KCND2: variants seen among roughly 807,000 people sequenced by gnomAD.
The protein encoded by KCND2 is A-type voltage-gated potassium channel KCND2.
A neutral mutation model predicts 54.4 loss-of-function variants in KCND2; 16 were observed. That is an observed-to-expected ratio of 0.29 (90% CI 0.20 to 0.45). The LOEUF is 0.45. Among genes scored for constraint, KCND2 ranks in the 20% least tolerant of loss-of-function variants. The pLI is 1.00. For missense variants in KCND2, 486 were observed against 824.2 expected, an observed-to-expected ratio of 0.59 and a Z score of 5.02; for synonymous variants, 317 against 310.7, an observed-to-expected ratio of 1.02 and a Z score of -0.21.
chr7:120,658,229 G>A (rs1409618864), intron 1 of KCND2, among the ~76,000 whole-genome samples: 2 of 152,072 alleles, frequency 1.3e-5, no homozygotes, highest in Non-Finnish European at 2.9e-5. Context: ...AGCTCCAAGC[G>A]AGTGAGAAAT....
intron 1 of KCND2, among the ~76,000 whole-genome samples, chr7:120,338,534 C>A (rs528207568): frequency 6.6e-6 from 1 of 151,990 alleles, no homozygotes; most frequent in African/African-American, 2.4e-5. Context: ...GAATATTCTA[C>A]CACGTTCTTT....
intron 1 of KCND2, among the ~76,000 whole-genome samples, chr7:120,433,545 G>A (rs1370898319): frequency 6.6e-6 from 1 of 152,154 alleles, no homozygotes; most frequent in Non-Finnish European, 1.5e-5. Context: ...TTGTTTATAA[G>A]CCTGTCTTGA....
intron 1 of KCND2, among the ~76,000 whole-genome samples, chr7:120,374,886 C>A (rs1161718084): frequency 6.6e-6 from 1 of 151,714 alleles, no homozygotes; most frequent in East Asian, 1.9e-4. Flanking sequence ...TTCTGATGAG[C>A]TTCACCAATT....
At chr7:120,648,119 C>T (rs1793464889) in intron 1 of KCND2, among the ~76,000 whole-genome samples, 1 of 152,020 alleles carries the variant, frequency 6.6e-6, no homozygotes, top group Non-Finnish European at 1.5e-5. Context: ...TTTTCCTGTC[C>T]TCCTAAACTA....
chr7:120,544,038 G>A lies in KCND2; in HGVS notation c.1116-188865G>A, dbSNP rs116074388. ...GAGAAAGCAAATACTGATGATTACT[G>A]TCTGCTTCCATGACCAACTTGAATT... On this transcript the variant is annotated intron_variant, in intron 1 of 5. Transcript: ENST00000331113. Among the ~76,000 whole-genome samples, 692 of 152,072 alleles carry A rather than the reference G, an allele frequency of 4.6e-3. 5 individuals carry two copies. The highest frequency in any genetic ancestry group is 0.016 in the African/African-American group (662 of 41,526).
chr7:120,448,077 C>T (rs186767375), intron 1 of KCND2, among the ~76,000 whole-genome samples: 1 of 152,118 alleles, frequency 6.6e-6, no homozygotes, highest in Non-Finnish European at 1.5e-5. Flanking sequence ...ATGTGCACAA[C>T]GTGCAGGTTG....
At chr7:120,316,680 G>A (rs1799816824) in intron 1 of KCND2, among the ~76,000 whole-genome samples, 1 of 152,100 alleles carries the variant, frequency 6.6e-6, no homozygotes, top group African/African-American at 2.4e-5. Context: ...TGATTACGAT[G>A]AAAAAAGACT....
At chr7:120,362,261 G>A (rs1350929429) in intron 1 of KCND2, among the ~76,000 whole-genome samples, 1 of 151,916 alleles carries the variant, frequency 6.6e-6, no homozygotes, top group African/African-American at 2.4e-5. Context: ...TTTTTATATA[G>A]CCCAACTCTA....
At chr7:120,331,939 A>G (rs1800075183) in intron 1 of KCND2, among the ~76,000 whole-genome samples, 1 of 151,870 alleles carries the variant, frequency 6.6e-6, no homozygotes, top group Non-Finnish European at 1.5e-5. Flanking sequence ...TAAAAATTTT[A>G]TTTGTATTTT....
chr7:120,709,461 AC>A (rs1394427581), intron 1 of KCND2, among the ~76,000 whole-genome samples: 2 of 152,152 alleles, frequency 1.3e-5, no homozygotes, highest in East Asian at 3.9e-4. Context: ...TTTTTATGTC[AC>A]TTCTTAATTA....
intron 1 of KCND2, among the ~76,000 whole-genome samples, chr7:120,632,008 A>C (rs370164800): frequency 6.6e-6 from 1 of 152,032 alleles, no homozygotes; most frequent in Admixed American, 6.6e-5. Context: ...AGGACTCCCA[A>C]CCCGATTTTA....
At chr7:120,654,084 G>A (rs1453183782) in intron 1 of KCND2, among the ~76,000 whole-genome samples, 1 of 152,146 alleles carries the variant, frequency 6.6e-6, no homozygotes, top group Non-Finnish European at 1.5e-5. Context: ...TTGCAATGAT[G>A]ATAATGTCCT....
intron 1 of KCND2, among the ~76,000 whole-genome samples, chr7:120,634,084 T>G (rs930396534): frequency 6.6e-6 from 1 of 152,214 alleles, no homozygotes; most frequent in Non-Finnish European, 1.5e-5. Context: ...GAATCTTTTT[T>G]CATTTTAGAC....
At chr7:120,651,759 T>A (rs1038572200) in intron 1 of KCND2, among the ~76,000 whole-genome samples, 1 of 152,154 alleles carries the variant, frequency 6.6e-6, no homozygotes, top group East Asian at 1.9e-4. Flanking sequence ...TCTTCCTTTT[T>A]CTAAATTTAA....
rs1414926138 is a variant in KCND2 at position 120,289,221 on chromosome 7, G to T, written c.1115+13474G>T. Among the ~76,000 whole-genome samples, 4 of 151,982 alleles carry T rather than the reference G, an allele frequency of 2.6e-5. No individual in the cohort carries two copies. In the East Asian group the frequency reaches 7.7e-4, roughly 29 times the overall value. Reference sequence around the variant, plus strand: ...TATTCTGTAGCAGGCACGATCCCTTGTATGTAAGCTGTGTTATGTTTTCAT... The same window carrying T: ...TATTCTGTAGCAGGCACGATCCCTTTTATGTAAGCTGTGTTATGTTTTCAT... On this transcript the variant is annotated intron_variant, in intron 1 of 5. Transcript: ENST00000331113.
chr7:120,553,769 T>A (rs1792129190), intron 1 of KCND2, among the ~76,000 whole-genome samples: 2 of 152,194 alleles, frequency 1.3e-5, no homozygotes, highest in Admixed American at 1.3e-4. Flanking sequence ...GAAGTGAGAT[T>A]TTAAAGCTAT....
chr7:120,285,461 G>A (rs1799326017), intron 1 of KCND2, among the ~76,000 whole-genome samples: 1 of 151,842 alleles, frequency 6.6e-6, no homozygotes, highest in African/African-American at 2.4e-5. Flanking sequence ...CATTACTATA[G>A]TTAGAAAAAA....
intron 1 of KCND2, among the ~76,000 whole-genome samples, chr7:120,713,615 T>C (rs1357393490): frequency 6.6e-6 from 1 of 152,172 alleles, no homozygotes; most frequent in Non-Finnish European, 1.5e-5. Context: ...TGGGCAAATA[T>C]GACATCAGAG....
At chr7:120,406,617 A>AT (rs1801364297) in intron 1 of KCND2, among the ~76,000 whole-genome samples, 1 of 152,066 alleles carries the variant, frequency 6.6e-6, no homozygotes, top group Non-Finnish European at 1.5e-5. Flanking sequence ...GGTGTAGGCA[A>AT]TAATTGCTAA....
Sources: gnomAD v4.1 joint callset for allele counts (sites outside exome capture counted in the v4.1 genomes callset) on GRCh38, gnomAD v4.1.1 for gene constraint, MANE v1.5 for transcripts, NCBI Gene and HGNC (gene_info 2026-07-23, HGNC 2026-07-21) for gene names.